ABLIM1: variants seen among roughly 807,000 people sequenced by gnomAD.
The protein encoded by ABLIM1 is actin-binding LIM protein 1.
Under a neutral mutation model 107.0 loss-of-function variants are expected in ABLIM1, and 40 were observed. The observed-to-expected ratio is 0.37, with a 90% confidence interval of 0.29 to 0.49. The LOEUF (loss-of-function observed/expected upper bound fraction) is 0.49. Among genes scored for constraint, ABLIM1 ranks in the 20% least tolerant of loss-of-function variants. ABLIM1 has a pLI of 0.97. For missense variants in ABLIM1, 857 were observed against 1,008.5 expected, an observed-to-expected ratio of 0.85 and a Z score of 2.04; for synonymous variants, 357 against 357.3, an observed-to-expected ratio of 1.00 and a Z score of 0.01.
chr10:114,662,094 T>C (rs1352430121), upstream of ABLIM1, among the ~76,000 whole-genome samples: 1 of 152,304 alleles, frequency 6.6e-6, no homozygotes, highest in East Asian at 1.9e-4. Flanking sequence ...AGGATCTACT[T>C]GCTTCTCACT....
In ABLIM1 at chr10:114,732,340, A is replaced by C. The variant is rs762070032; in HGVS notation, c.-213+35721T>G. Among the ~76,000 whole-genome samples the C allele has an allele frequency of 1.4e-4, 21 of 151,984 alleles. No individual in the cohort carries two copies. The South Asian group carries it at 2.7e-3, about 20-fold the overall frequency. On this transcript the variant is annotated intron_variant, in intron 1 of 15. Coordinates refer to the ABLIM1 transcript ENST00000651092. ...GGCTAATGATGTCGAACATCTTTTCATGTGCTAGTTGGTCATTTCTATGTC... is the reference window on the plus strand; with the variant it reads ...GGCTAATGATGTCGAACATCTTTTCCTGTGCTAGTTGGTCATTTCTATGTC...
chr10:114,792,048 C>T, the ABLIM1 span, among the ~76,000 whole-genome samples: 14 of 152,204 alleles, frequency 9.2e-5, no homozygotes, highest in Admixed American at 8.5e-4. Flanking sequence ...TGGCTGGGTA[C>T]AGTGGCTCAC....
At chr10:114,615,111 TG>T in intron 1 of ABLIM1, among the ~76,000 whole-genome samples, 1 of 152,012 alleles carries the variant, frequency 6.6e-6, no homozygotes, top group East Asian at 1.9e-4. Flanking sequence ...TCAAATAGTG[TG>T]GACTGTCAAC....
rs1346751781 is a variant in ABLIM1, at chr10:114,684,243, G to A, written c.64+47C>T. On this transcript the variant is annotated intron_variant, in intron 1 of 23. Coordinates refer to the ABLIM1 transcript ENST00000369256. The stretch of plus-strand genomic sequence containing the variant: ...TTTCCTCATCTTTAAAGACACGGTC[G>A]ACCCCAGACAGAATATATGCTGACT... 8 of 1,564,314 alleles carry A rather than the reference G, an allele frequency of 5.1e-6. No individual in the cohort carries two copies. In the East Asian group the frequency reaches 1.1e-4, roughly 22 times the overall value.
chr10:114,631,952 A>C (rs2078210686), intron 1 of ABLIM1: 2 of 1,303,890 alleles, frequency 1.5e-6, no homozygotes, highest in African/African-American at 1.5e-5. Flanking sequence ...GGACTGAAGA[A>C]GGAACGAGGA....
At chr10:114,501,495 TCA>T (rs1406253260) in intron 6 of ABLIM1, among the ~76,000 whole-genome samples, 2 of 152,342 alleles carry the variant, frequency 1.3e-5, no homozygotes, top group South Asian at 2.1e-4. Context: ...CCTTCATATT[TCA>T]CAGTTTGGCA....
chr10:114,667,747 T>C (rs1010824197), intron 1 of ABLIM1, among the ~76,000 whole-genome samples: 3 of 152,216 alleles, frequency 2.0e-5, no homozygotes, highest in Non-Finnish European at 4.4e-5. Context: ...CAGAACTTCA[T>C]ATAAATAGAA....
the ABLIM1 span, chr10:114,777,854 T>A: frequency 6.6e-6 from 1 of 152,240 alleles, no homozygotes; most frequent in African/African-American, 2.4e-5. Flanking sequence ...GCAATGTTAG[T>A]TCATATGGTG....
chr10:114,624,475 C>G (rs1246541391), intron 1 of ABLIM1, among the ~76,000 whole-genome samples: 1 of 152,204 alleles, frequency 6.6e-6, no homozygotes, highest in Non-Finnish European at 1.5e-5. Context: ...ACAAGTTGTT[C>G]ATCCTTCCTG....
At chr10:114,514,966 T>C (rs2062577303) in intron 6 of ABLIM1, among the ~76,000 whole-genome samples, 1 of 152,196 alleles carries the variant, frequency 6.6e-6, no homozygotes, top group Non-Finnish European at 1.5e-5. Flanking sequence ...CAAATGCAAA[T>C]GCACTGACCT....
chr10:114,557,671 G>GTTTTTT (rs61108195), intron 4 of ABLIM1, among the ~76,000 whole-genome samples: 4 of 72,466 alleles, frequency 5.5e-5, no homozygotes, highest in Non-Finnish European at 7.3e-5. Flanking sequence ...ATAGTGAGGT[G>GTTTTTT]TTTTTTTTTT....
At chr10:114,764,314 C>A (rs1215441471) in intron 1 of ABLIM1, among the ~76,000 whole-genome samples, 1 of 152,176 alleles carries the variant, frequency 6.6e-6, no homozygotes, top group Non-Finnish European at 1.5e-5. Context: ...GATTTTAATA[C>A]TTTTCTCTTA....
rs1261151739 is a variant in ABLIM1, at chr10:114,707,983, C to G, written c.-213+60078G>C. On this transcript the variant is annotated intron_variant, in intron 1 of 15. Transcript: ENST00000651092. This position sits in a 1 kb window ranked among gnomAD's most constrained non-coding sequence, Gnocchi z 4.1. ...TTCAATTTTGTACTAAGCCTTTATG[C>G]TAACCGCTGTTTTTCAAAGCCTGTC... 6.6e-6 allele frequency among the ~76,000 whole-genome samples: 1 copy of G among 152,160 alleles called. No homozygotes were observed. The highest frequency in any genetic ancestry group is 2.4e-5 in the African/African-American group (1 of 41,454).
At chr10:114,611,789 C>G (rs1178984220) in intron 1 of ABLIM1, among the ~76,000 whole-genome samples, 1 of 152,156 alleles carries the variant, frequency 6.6e-6, no homozygotes, top group African/African-American at 2.4e-5. Context: ...GGCTTGGTGC[C>G]TTTTCCTCCT....
chr10:114,730,397 C>CAAAAAA lies in ABLIM1; in HGVS notation c.-213+37658_-213+37663dup, dbSNP rs59713925. On this transcript the variant is annotated intron_variant, in intron 1 of 15. Coordinates refer to the ABLIM1 transcript ENST00000651092. The stretch of plus-strand genomic sequence containing the variant: ...TGGTCAACAGTGTGAAACTCCATCT[C>CAAAAAA]AAAAAAAAAAAAAAAAAAAAAAGAA... 4.0e-4 allele frequency among the ~76,000 whole-genome samples: 29 copies of CAAAAAA among 73,080 alleles called. 2 individuals are homozygous for CAAAAAA. Among genetic ancestry groups the CAAAAAA allele is most frequent in the East Asian group, 4.9e-4 (1 of 2,026 alleles). The allele number at this position is 73,080 out of a possible 152,430, so 47.9% of individuals were successfully genotyped here.
Position 114,619,684 on chromosome 10 carries a change from C to T in ABLIM1, c.245-17723G>A, listed in dbSNP as rs1475358296. ...TACAAAAGCAAGGAAACAAGGTAAG[C>T]GTGGTGAACACAAAGAGGAGAGGCA... On this transcript the variant is annotated intron_variant, in intron 1 of 22. Coordinates refer to ENST00000533213, the MANE Select transcript of ABLIM1 (RefSeq NM_002313.7). The surrounding 1 kb of genome is among the most constrained non-coding windows in gnomAD (Gnocchi z 4.1). Among the ~76,000 whole-genome samples, 4 of 152,146 alleles carry T rather than the reference C, an allele frequency of 2.6e-5. No homozygotes were observed. The highest frequency in any genetic ancestry group is 5.9e-5 in the Non-Finnish European group (4 of 68,040).
chr10:114,637,818 A>C (rs560096122), intron 1 of ABLIM1, among the ~76,000 whole-genome samples: 1 of 152,260 alleles, frequency 6.6e-6, no homozygotes, highest in African/African-American at 2.4e-5. Flanking sequence ...TCACGAGTAC[A>C]CAAGTACAAA....
chr10:114,660,091 G>A (rs1004446674), upstream of ABLIM1, among the ~76,000 whole-genome samples: 4 of 152,224 alleles, frequency 2.6e-5, no homozygotes, highest in Non-Finnish European at 4.4e-5. Context: ...CTTGGGGAAA[G>A]TGGGAACATG....
In ABLIM1 at chr10:114,547,771, C is replaced by T; in HGVS notation, c.679G>A (p.Ala227Thr). Residue 227 changes from alanine to threonine, a missense_variant, in exon 5 of 23, where the codon GCC (alanine) becomes ACC (threonine). Ala to Thr is a moderately conservative substitution (Grantham distance 58, BLOSUM62 0). Coordinates refer to ENST00000533213, the MANE Select transcript of ABLIM1 (RefSeq NM_002313.7). Reference protein sequence around the residue: ...PKETTFSSNCAGCGRDIKNGQ... With the variant: ...PKETTFSSNCTGCGRDIKNGQ... The stretch of plus-strand genomic sequence containing the variant: ...TTCTTGATATCTCTTCCGCAGCCGG[C>T]ACAATCTGAAAAAGAGCAGCCGCCA... 2 of 1,608,670 alleles carry T rather than the reference C, an allele frequency of 1.2e-6. No homozygotes were observed. The highest frequency in any genetic ancestry group is 8.5e-7 in the Non-Finnish European group (1 of 1,179,936).
Sources: allele counts gnomAD v4.1 joint callset (sites outside exome capture counted in the v4.1 genomes callset), GRCh38; gene constraint gnomAD v4.1.1; non-coding constraint Gnocchi (gnomAD v3.1); transcripts MANE v1.5; gene names NCBI Gene and HGNC (gene_info 2026-07-23, HGNC 2026-07-21).